The following DPP10 variants were observed in gnomAD, a reference collection of about 807,000 sequenced individuals.
DPP10 encodes inactive dipeptidyl peptidase 10.
A neutral mutation model predicts 120.9 loss-of-function variants in DPP10; 33 were observed. That is an observed-to-expected ratio of 0.27 (90% CI 0.21 to 0.37). DPP10 has a LOEUF of 0.37. Among genes scored for constraint, DPP10 ranks in the 10% least tolerant of loss-of-function variants. DPP10 has a pLI of 1.00. For missense variants in DPP10, 816 were observed against 942.8 expected (o/e 0.87, Z 1.76); for synonymous variants, 337 against 326.1 (o/e 1.03, Z -0.36).
intron 3 of DPP10, among the ~76,000 whole-genome samples, chr2:115,488,648 C>T (rs1235788898): frequency 2.0e-5 from 2 of 99,340 alleles, no homozygotes; most frequent in Non-Finnish European, 2.0e-5. Context: ...CCAAACACCG[C>T]ATATTCTCAC....
chr2:114,532,701 G>T (rs1307941820), intron 1 of DPP10, among the ~76,000 whole-genome samples: 1 of 152,110 alleles, frequency 6.6e-6, no homozygotes, highest in Non-Finnish European at 1.5e-5. Context: ...AGCTGTGTAA[G>T]AAAAGAGCAA....
intron 21 of DPP10, among the ~76,000 whole-genome samples, chr2:115,817,361 T>G (rs997705673): frequency 6.6e-6 from 1 of 152,214 alleles, no homozygotes; most frequent in African/African-American, 2.4e-5. Context: ...TTTTCTACTA[T>G]TCATAAGTAA....
At chr2:114,546,597 A>G (rs938496432) in intron 1 of DPP10, among the ~76,000 whole-genome samples, 1 of 152,182 alleles carries the variant, frequency 6.6e-6, no homozygotes, top group Non-Finnish European at 1.5e-5. Flanking sequence ...TCTGGTCTGA[A>G]GATTTTGAAT....
chr2:115,319,198 A>G (rs2061942239), intron 2 of DPP10, among the ~76,000 whole-genome samples: 1 of 152,152 alleles, frequency 6.6e-6, no homozygotes, highest in South Asian at 2.1e-4. Flanking sequence ...GTTGTATTAC[A>G]TTGATTTTCT....
At chr2:115,340,344 T>C (rs1206820778) in intron 2 of DPP10, among the ~76,000 whole-genome samples, 1 of 152,038 alleles carries the variant, frequency 6.6e-6, no homozygotes, top group Non-Finnish European at 1.5e-5. Context: ...TGCACTAAAT[T>C]CAATTGGAAG....
intron 4 of DPP10, among the ~76,000 whole-genome samples, chr2:115,501,328 A>G (rs571065679): frequency 5.7e-4 from 87 of 152,250 alleles, no homozygotes; most frequent in African/African-American, 2.0e-3. Context: ...ACCAAAACAA[A>G]CAGAACTTTT....
intron 1 of DPP10, among the ~76,000 whole-genome samples, chr2:114,938,636 AATTT>A (rs1322186434): frequency 6.6e-6 from 1 of 151,744 alleles, no homozygotes; most frequent in Non-Finnish European, 1.5e-5. Flanking sequence ...AGTTGTACTT[AATTT>A]ATTTAATTTG....
chr2:114,875,620 A>T (rs936382354), intron 1 of DPP10, among the ~76,000 whole-genome samples: 1 of 152,164 alleles, frequency 6.6e-6, no homozygotes, highest in African/African-American at 2.4e-5. Context: ...TGATCCAAAT[A>T]TTCAGAGAAA....
intron 1 of DPP10, among the ~76,000 whole-genome samples, chr2:114,663,265 T>TATATATATATATATATATATATATA (rs1363022094): frequency 1.3e-5 from 2 of 148,456 alleles, no homozygotes; most frequent in African/African-American, 4.9e-5. Flanking sequence ...TATATCTATA[T>TATATATATATATATATATATATATA]ATATATACAC....
intron 1 of DPP10, among the ~76,000 whole-genome samples, chr2:114,822,645 C>CATTT (rs1686199676): frequency 6.6e-6 from 1 of 151,860 alleles, no homozygotes; most frequent in South Asian, 2.1e-4. Flanking sequence ...TTCTAGGGTA[C>CATTT]ATTTGCACAA....
At chr2:115,715,504 A>G (rs1298443582) in intron 7 of DPP10, among the ~76,000 whole-genome samples, 1 of 151,962 alleles carries the variant, frequency 6.6e-6, no homozygotes, top group Non-Finnish European at 1.5e-5. Context: ...TTCCAACAAC[A>G]CTTTCTGCTT....
chr2:114,983,323 C>T (rs561357545), intron 1 of DPP10, among the ~76,000 whole-genome samples: 3 of 152,166 alleles, frequency 2.0e-5, no homozygotes, highest in African/African-American at 7.2e-5. Flanking sequence ...TAATTAAATG[C>T]CATATTATGA....
rs191452932 is a variant in DPP10 at position 114,756,729 on chromosome 2, A to G, written c.60+313891A>G. Among the ~76,000 whole-genome samples, 3 of 152,250 alleles carry G rather than the reference A, an allele frequency of 2.0e-5. No individual in the cohort carries two copies. The East Asian group carries it at 5.8e-4, about 29-fold the overall frequency. On this transcript the variant is annotated intron_variant, in intron 1 of 25. Coordinates refer to ENST00000410059, the MANE Select transcript of DPP10 (RefSeq NM_020868.6). ...TCATCCTCATAGGACCTCAGTCTTC[A>G]TAAGTAGTGCCAATTCAATATGGCA...
intron 1 of DPP10, among the ~76,000 whole-genome samples, chr2:115,011,317 CT>C (rs1702247765): frequency 6.6e-6 from 1 of 152,142 alleles, no homozygotes; most frequent in Non-Finnish European, 1.5e-5. Flanking sequence ...TCGTTTACCT[CT>C]TTTATATCCT....
intron 1 of DPP10, among the ~76,000 whole-genome samples, chr2:114,946,526 A>C (rs1348917873): frequency 6.6e-6 from 1 of 152,158 alleles, no homozygotes; most frequent in Non-Finnish European, 1.5e-5. Flanking sequence ...AAGTCTCTAA[A>C]AAACAAGTAA....
intron 1 of DPP10, among the ~76,000 whole-genome samples, chr2:114,693,907 G>GTA (rs1699916130): frequency 6.6e-6 from 1 of 151,858 alleles, no homozygotes; most frequent in African/African-American, 2.4e-5. Context: ...TTAAAGGGAT[G>GTA]TACCACACTG....
chr2:115,738,384 A>C (rs1445427979), intron 8 of DPP10, among the ~76,000 whole-genome samples: 2 of 152,132 alleles, frequency 1.3e-5, no homozygotes, highest in Non-Finnish European at 2.9e-5. Context: ...CAGAAGAACC[A>C]TGCGAACTTG....
rs536621775 is a variant in DPP10, at chr2:115,004,537, G to A, written c.61-304702G>A. ...CACCGTGCGCGAGCCAAAGCAGGGC[G>A]AGGCATTGCCTCACTCGGGAAGCGC... On this transcript the variant is annotated intron_variant, in intron 1 of 25. Transcript: ENST00000410059. 1.9e-3 allele frequency among the ~76,000 whole-genome samples: 284 copies of A among 152,298 alleles called. 2 individuals are homozygous for A. Among genetic ancestry groups the A allele is most frequent in the African/African-American group, 5.6e-3 (234 of 41,568 alleles).
chr2:115,505,934 C>T (rs189886815), intron 4 of DPP10, among the ~76,000 whole-genome samples: 185 of 152,002 alleles, frequency 1.2e-3, no homozygotes, highest in African/African-American at 4.1e-3. Context: ...TATATCAGAA[C>T]ATCACATTTT....
Sources: gnomAD v4.1 joint callset for allele counts (sites outside exome capture counted in the v4.1 genomes callset) on GRCh38, gnomAD v4.1.1 for gene constraint, MANE v1.5 for transcripts, NCBI Gene and HGNC (gene_info 2026-07-23, HGNC 2026-07-21) for gene names.